The following STK32B variants were observed in gnomAD, a reference collection of about 807,000 sequenced individuals.
The protein encoded by STK32B is serine/threonine kinase 32B.
In STK32B, 43 loss-of-function variants were observed where a neutral mutation model predicts 52.6. The observed-to-expected ratio is 0.82, with a 90% CI of 0.64 to 1.05. STK32B has a LOEUF of 1.05. Among genes scored for constraint, STK32B ranks in the 50% least tolerant of loss-of-function variants. The probability of loss-of-function intolerance (pLI) is 0.00; values close to 1 mark genes in which losing one functional copy is unlikely to be tolerated. For missense variants in STK32B, 621 were observed against 534.6 expected (o/e 1.16, Z -1.59); for synonymous variants, 238 against 204.3 (o/e 1.17, Z -1.41).
intron 2 of STK32B, among the ~76,000 whole-genome samples, chr4:5,149,500 T>C (rs1577108191): frequency 6.6e-6 from 1 of 151,884 alleles, no homozygotes; most frequent in African/African-American, 2.4e-5. Context: ...TCCAGTATTA[T>C]GTTTTAAAAT....
chr4:5,303,154 A>G (rs1577316538), intron 3 of STK32B, among the ~76,000 whole-genome samples: 1 of 151,994 alleles, frequency 6.6e-6, no homozygotes. Context: ...GTGTGCAGGT[A>G]TCTTTTTTGT....
intron 3 of STK32B, among the ~76,000 whole-genome samples, chr4:5,257,127 A>G (rs1307529063): frequency 6.6e-6 from 1 of 151,886 alleles, no homozygotes; most frequent in African/African-American, 2.4e-5. Flanking sequence ...GTGAGGGTGA[A>G]TGAGTGAGTG....
intron 3 of STK32B, among the ~76,000 whole-genome samples, chr4:5,243,009 C>G (rs568678739): frequency 3.3e-5 from 5 of 152,102 alleles, no homozygotes; most frequent in African/African-American, 9.7e-5. Context: ...AGTCAGGTAG[C>G]GTGATGCCTC....
intron 3 of STK32B, among the ~76,000 whole-genome samples, chr4:5,316,794 T>TTATATATAATATATATTATACA (rs1730871677): frequency 0.01 from 1 of 100 alleles, no homozygotes; most frequent in African/African-American, 0.071. Flanking sequence ...TACATATATA[T>TTATATATAATATATATTATACA]TATATATTAT....
At position 5,399,571 on chromosome 4, in the gene STK32B, G is replaced by A. The variant is rs1402248563; in HGVS notation, c.472+1327G>A. On this transcript the variant is annotated intron_variant, in intron 5 of 11. Transcript: ENST00000282908. This position sits in a 1 kb window ranked among gnomAD's most constrained non-coding sequence, Gnocchi z 5.4. Reference sequence around the variant, plus strand: ...ATGCCTGGGGCATGGACAGAGCTGAGGATCCAAATCAAGGCTGGAAAGGAA... The same window carrying A: ...ATGCCTGGGGCATGGACAGAGCTGAAGATCCAAATCAAGGCTGGAAAGGAA... Among the ~76,000 whole-genome samples, 1 of 152,152 alleles carries A rather than the reference G, an allele frequency of 6.6e-6. No individual in the cohort carries two copies. Among genetic ancestry groups the A allele is most frequent in the African/African-American group, 2.4e-5 (1 of 41,432 alleles).
intron 3 of STK32B, among the ~76,000 whole-genome samples, chr4:5,247,252 C>G (rs993959948): frequency 4.6e-5 from 7 of 152,178 alleles, no homozygotes; most frequent in African/African-American, 1.7e-4. Context: ...CTTTTTTTAC[C>G]TACTCAAGCC....
rs578233082 is a variant in STK32B, at chr4:5,499,065, C to T, written c.1227C>T (p.Thr409=). The T allele has an allele frequency of 1.2e-6, 2 of 1,611,862 alleles. No homozygotes were observed. The highest frequency in any genetic ancestry group is 1.3e-5 in the African/African-American group (1 of 74,936). ...ACAACCTCCTCACCCACACCTGCAC[C>T]CGTGGCTGCAGCAGCTGAGCCCACA... The part of the protein sequence containing the change: ...CNNNLLTHTC[T]RGCSS Residue 409 remains threonine, a synonymous_variant, in exon 12 of 12, where the codon ACC becomes ACT. Coordinates refer to ENST00000282908, the MANE Select transcript of STK32B (RefSeq NM_018401.3).
chr4:5,468,965 G>A (rs989693778), intron 11 of STK32B, among the ~76,000 whole-genome samples: 1 of 151,802 alleles, frequency 6.6e-6, no homozygotes, highest in Admixed American at 6.6e-5. Context: ...CAGGAGAATG[G>A]TGTGAACCCG....
chr4:5,195,625 G>A lies in STK32B; in HGVS notation c.260+27175G>A, dbSNP rs547597998. ...GGAGAATCGCTTGAACCTGGGAGAC[G>A]GAGGTTGCAGTGAGCCGAGATCACG... On this transcript the variant is annotated intron_variant, in intron 3 of 11. Transcript: ENST00000282908. Among the ~76,000 whole-genome samples, 7 of 152,222 alleles carry A rather than the reference G, an allele frequency of 4.6e-5. No homozygotes were observed. In the South Asian group the frequency reaches 1.0e-3, roughly 23 times the overall value.
intron 4 of STK32B, among the ~76,000 whole-genome samples, chr4:5,341,150 A>G (rs1004970687): frequency 6.6e-6 from 1 of 152,166 alleles, no homozygotes; most frequent in African/African-American, 2.4e-5. Context: ...GCACATATGG[A>G]TTTCATCGAC....
chr4:5,381,494 C>A (rs10937640), intron 4 of STK32B, among the ~76,000 whole-genome samples: 39,418 of 152,054 alleles, frequency 0.26, 6,222 homozygotes, highest in African/African-American at 0.45. Flanking sequence ...AAGGGGCTTT[C>A]GATTGAATGA....
At chr4:5,138,388 A>ATT (rs944090976) in intron 1 of STK32B, among the ~76,000 whole-genome samples, 5 of 147,796 alleles carry the variant, frequency 3.4e-5, no homozygotes, top group Admixed American at 2.7e-4. Flanking sequence ...AATTCACTTC[A>ATT]TTTTTTTTTT....
chr4:5,082,165 T>A (rs1712475928), intron 1 of STK32B, among the ~76,000 whole-genome samples: 1 of 152,188 alleles, frequency 6.6e-6, no homozygotes, highest in African/African-American at 2.4e-5. Context: ...GTGTTCTTAA[T>A]CCTGCAGATT....
At chr4:5,036,659 A>ATTTTT in the STK32B span, among the ~76,000 whole-genome samples, 2 of 74,204 alleles carry the variant, frequency 2.7e-5, no homozygotes, top group Non-Finnish European at 4.9e-5. Flanking sequence ...GCAAGGGTGG[A>ATTTTT]TTTTTTTTTT....
At chr4:5,423,826 T>C (rs1176724970) in intron 6 of STK32B, among the ~76,000 whole-genome samples, 1 of 152,112 alleles carries the variant, frequency 6.6e-6, no homozygotes, top group African/African-American at 2.4e-5. Context: ...CTGTCTGCAG[T>C]GCAGGAGGCG....
intron 11 of STK32B, among the ~76,000 whole-genome samples, chr4:5,479,189 G>A (rs1426604056): frequency 2.0e-5 from 3 of 149,048 alleles, no homozygotes; most frequent in Admixed American, 6.8e-5. Flanking sequence ...GCATGATCTC[G>A]GCTCACTGCA....
At chr4:5,439,800 C>A (rs1318667095) in intron 6 of STK32B, among the ~76,000 whole-genome samples, 2 of 151,800 alleles carry the variant, frequency 1.3e-5, no homozygotes, top group South Asian at 2.1e-4. Flanking sequence ...AGGAAGGGAT[C>A]CAGTTTCAGC....
At chr4:5,494,128 T>C (rs546700154) in intron 11 of STK32B, among the ~76,000 whole-genome samples, 19 of 152,280 alleles carry the variant, frequency 1.2e-4, no homozygotes, top group African/African-American at 4.6e-4. Flanking sequence ...AATTCCTGGG[T>C]ATCTTTGTTA....
chr4:5,438,900 A>G (rs991783583), intron 6 of STK32B, among the ~76,000 whole-genome samples: 8 of 151,356 alleles, frequency 5.3e-5, no homozygotes, highest in Non-Finnish European at 1.2e-4. Flanking sequence ...ATGATTTCCA[A>G]TTTCATCCAT....
Sources: gnomAD v4.1 joint callset for allele counts (sites outside exome capture counted in the v4.1 genomes callset) on GRCh38, gnomAD v4.1.1 for gene constraint, Gnocchi (gnomAD v3.1) non-coding constraint, MANE v1.5 for transcripts, NCBI Gene and HGNC (gene_info 2026-07-23, HGNC 2026-07-21) for gene names.